CCT6B: variants seen among roughly 807,000 people sequenced by gnomAD.
CCT6B encodes chaperonin containing TCP1 subunit 6B.
CCT6B carries 49 observed loss-of-function variants against 61.5 expected under a neutral mutation model. That is an observed-to-expected ratio of 0.80 (90% CI 0.63 to 1.01). The LOEUF (loss-of-function observed/expected upper bound fraction) is 1.01. Ranked by LOEUF, CCT6B falls within the 50% of genes least tolerant of loss-of-function variation. The pLI, the probability that CCT6B is intolerant of heterozygous loss-of-function variation, is 0.00. For missense variants in CCT6B, 666 were observed against 634.7 expected (o/e 1.05, Z -0.53); for synonymous variants, 228 against 214.5 (o/e 1.06, Z -0.55).
chr17:34,947,307 A>T (rs2090235079), intron 5 of CCT6B, among the ~76,000 whole-genome samples: 1 of 152,228 alleles, frequency 6.6e-6, no homozygotes, highest in Non-Finnish European at 1.5e-5. Flanking sequence ...AAAAAGCCAG[A>T]AAATGCCAAC....
intron 10 of CCT6B, 92 bp from the exon 11 acceptor site, chr17:34,932,592 T>A: frequency 8.6e-7 from 1 of 1,162,550 alleles, no homozygotes; most frequent in Non-Finnish European, 1.2e-6. Flanking sequence ...TTAAGTATGT[T>A]CTATTATCTA....
At chr17:34,945,390 A>G (rs1165568781) in intron 5 of CCT6B, among the ~76,000 whole-genome samples, 4 of 152,152 alleles carry the variant, frequency 2.6e-5, no homozygotes, top group African/African-American at 9.7e-5. Flanking sequence ...CTCTTGATTT[A>G]TCTCCCCAAA....
At chr17:34,932,674 A>G (rs1192360745) in intron 10 of CCT6B, among the ~76,000 whole-genome samples, 174 bp from the exon 11 acceptor site, 2 of 152,258 alleles carry the variant, frequency 1.3e-5, no homozygotes, top group Non-Finnish European at 2.9e-5. Context: ...GTTATATGTC[A>G]TTAAATAAAT....
intron 10 of CCT6B, among the ~76,000 whole-genome samples, chr17:34,936,425 T>C (rs928058359): frequency 6.6e-6 from 1 of 152,176 alleles, no homozygotes; most frequent in African/African-American, 2.4e-5. Flanking sequence ...GTCAACATTA[T>C]ACTGGAGGTT....
In CCT6B at chr17:34,928,089, C is replaced by A; in HGVS notation, c.1552G>T (p.Val518Phe). The A allele has an allele frequency of 1.2e-6, 2 of 1,611,926 alleles. No individual in the cohort carries two copies. Among genetic ancestry groups the A allele is most frequent in the Non-Finnish European group, 1.7e-6 (2 of 1,178,980 alleles). ...ATCCCAGCTCGCATAATTTCATCAA[C>A]CAGGAGAATGTTGGTGGCAATCACT... ...CTVIATNILL[V>F]DEIMRAGMSS... Residue 518 changes from valine to phenylalanine, a missense_variant, in exon 14 of 14, where the codon GTT (valine) becomes TTT (phenylalanine). Physicochemically the swap from Val to Phe is conservative, Grantham distance 50. Transcript: ENST00000314144.
intron 4 of CCT6B, among the ~76,000 whole-genome samples, chr17:34,953,095 T>C (rs1291821851): frequency 2.0e-5 from 3 of 152,122 alleles, no homozygotes; most frequent in Non-Finnish European, 4.4e-5. Context: ...AGTATTCCAG[T>C]ACATTTGGCA....
In CCT6B at chr17:34,930,997, C is replaced by G; in HGVS notation, c.1402G>C (p.Ala468Pro). Residue 468 changes from alanine to proline, a missense_variant, in exon 12 of 14, where the codon GCT becomes CCT. Physicochemically the swap from Ala to Pro is conservative, Grantham distance 27. Transcript: ENST00000314144. ...AGTTGTTTTGACTCGACATGCTCAG[C>G]CTGAACTTTTACTAATGTTTCCTGT... Reference protein sequence around the residue: ...DPQETLVKVQAEHVESKQLVG... With the variant: ...DPQETLVKVQPEHVESKQLVG... 1 of 1,605,792 alleles carries G rather than the reference C, an allele frequency of 6.2e-7. No individual in the cohort carries two copies. Among genetic ancestry groups the G allele is most frequent in the Non-Finnish European group, 8.5e-7 (1 of 1,174,652 alleles).
intron 2 of CCT6B, among the ~76,000 whole-genome samples, chr17:34,959,122 A>AAT (rs2090381379): frequency 1.2e-4 from 11 of 91,780 alleles, no homozygotes; most frequent in African/African-American, 1.8e-4. Context: ...AAAAAAAAAA[A>AAT]CTTTTTTTTT....
intron 13 of CCT6B, among the ~76,000 whole-genome samples, chr17:34,928,669 A>G (rs910642688): frequency 2.0e-5 from 3 of 152,208 alleles, no homozygotes; most frequent in African/African-American, 7.2e-5. Context: ...TTACAATATC[A>G]TTTGATTTTC....
At chr17:34,952,175 G>A (rs181223250) in intron 4 of CCT6B, 122 bp from the exon 5 acceptor site, 397 of 569,068 alleles carry the variant, frequency 7.0e-4, no homozygotes, top group Middle Eastern at 2.6e-3. Flanking sequence ...CCTAGGGCAA[G>A]ACCAATATGT....
intron 5 of CCT6B, chr17:34,943,715 G>A (rs2090192885): frequency 6.6e-6 from 1 of 151,100 alleles, no homozygotes; most frequent in African/African-American, 2.4e-5. Context: ...GTATACATAT[G>A]TAACAAACCT....
Position 34,948,713 on chromosome 17 carries a change from T to TCAA in CCT6B, c.614+3236_614+3237insTTG, listed in dbSNP as rs796140518. Among the ~76,000 whole-genome samples the TCAA allele has an allele frequency of 9.3e-5, 7 of 75,336 alleles. 1 individual carries two copies. The East Asian group carries it at 1.6e-3, about 18-fold the overall frequency. 49.4% of individuals were successfully genotyped at this position (75,336 alleles called of 152,430 possible). On this transcript the variant is annotated intron_variant, in intron 5 of 13. Transcript: ENST00000314144. ...TGGGTAACAAGAGTGAAACTCCATC[T>TCAA]AAAAAAAAAAAAAAAAACAAAACAA...
At chr17:34,935,924 CGTGTGTGTGT>C (rs113723835) in intron 10 of CCT6B, among the ~76,000 whole-genome samples, 3 of 147,806 alleles carry the variant, frequency 2.0e-5, no homozygotes, top group Admixed American at 6.8e-5. Flanking sequence ...CATTTATTCT[CGTGTGTGTGT>C]GTGTGTGTGT....
intron 7 of CCT6B, 99 bp downstream of exon 7, chr17:34,942,385 C>A: frequency 1.2e-6 from 1 of 868,604 alleles, no homozygotes; most frequent in South Asian, 1.7e-5. Flanking sequence ...CACAGACTCT[C>A]TGAAAAAGTC....
rs111862987 is a variant in CCT6B at position 34,939,553 on chromosome 17, T to C, written c.1065+64A>G. ...AAACATGAAATAAAAGGTCAAGTAG[T>C]ATTTTTCTTTAAAAAAGGGGGCTTA... is the stretch of plus-strand genomic sequence containing the variant. On this transcript the variant is annotated intron_variant, in intron 9 of 13. Coordinates refer to ENST00000314144, the MANE Select transcript of CCT6B (RefSeq NM_006584.4). 1.6e-4 allele frequency: 169 copies of C among 1,033,992 alleles called. No homozygotes were observed. The African/African-American group carries it at 2.4e-3, about 15-fold the overall frequency. 64.1% of individuals were successfully genotyped at this position (1,033,992 alleles called of 1,614,324 possible).
chr17:34,945,838 T>C (rs141006926), intron 5 of CCT6B, among the ~76,000 whole-genome samples: 247 of 152,274 alleles, frequency 1.6e-3, no homozygotes, highest in Middle Eastern at 3.4e-3. Context: ...TAGTATATAA[T>C]CACAAGGCCA....
intron 10 of CCT6B, among the ~76,000 whole-genome samples, chr17:34,937,664 T>C (rs931780225): frequency 2.6e-5 from 4 of 152,146 alleles, no homozygotes; most frequent in Non-Finnish European, 4.4e-5. Flanking sequence ...ATTTTTCAGA[T>C]ACCACACCAA....
chr17:34,928,878 GAC>G (rs2089999496), intron 13 of CCT6B, 82 bp downstream of exon 13: 1 of 796,548 alleles, frequency 1.3e-6, no homozygotes, highest in Non-Finnish European at 2.1e-6. Context: ...ACTGTACAGG[GAC>G]AAAAATAATA....
intron 1 of CCT6B, 122 bp from the exon 2 acceptor site, chr17:34,959,772 G>C: frequency 7.9e-6 from 5 of 630,400 alleles, no homozygotes; most frequent in Non-Finnish European, 1.4e-5. Flanking sequence ...ATGGGAATAT[G>C]CCATGGTAAT....
Sources: gnomAD v4.1 joint callset for allele counts (sites outside exome capture counted in the v4.1 genomes callset) on GRCh38, gnomAD v4.1.1 for gene constraint, MANE v1.5 for transcripts, NCBI Gene and HGNC (gene_info 2026-07-23, HGNC 2026-07-21) for gene names.